The following JAKMIP3 variants were observed in gnomAD, a reference collection of about 807,000 sequenced individuals.
JAKMIP3 encodes janus kinase and microtubule-interacting protein 3.
Under a neutral mutation model 118.5 loss-of-function variants are expected in JAKMIP3, and 58 were observed. The observed-to-expected ratio is 0.49, with a 90% CI of 0.40 to 0.61. JAKMIP3 has a LOEUF of 0.61. Ranked by LOEUF, JAKMIP3 falls within the 20% of genes least tolerant of loss-of-function variation. The pLI is 0.00. For synonymous variants in JAKMIP3, 486 were observed against 451.2 expected (o/e 1.08, Z -0.98); for missense variants, 950 against 1,109.0 (o/e 0.86, Z 2.04).
intron 2 of JAKMIP3, among the ~76,000 whole-genome samples, chr10:132,106,178 A>T (rs1290655027): frequency 6.6e-6 from 1 of 151,768 alleles, no homozygotes; most frequent in Non-Finnish European, 1.5e-5. Context: ...CTACAAAAAA[A>T]AATGGACACA....
At chr10:132,138,445 T>A (rs1179699684) in intron 9 of JAKMIP3, among the ~76,000 whole-genome samples, 12 of 150,108 alleles carry the variant, frequency 8.0e-5, no homozygotes, top group Admixed American at 2.0e-4. Flanking sequence ...GCGCTGGGTG[T>A]GTGTGCCGAG....
intron 1 of JAKMIP3, among the ~76,000 whole-genome samples, chr10:132,068,086 GT>G (rs2039191884): frequency 8.1e-6 from 1 of 123,328 alleles, no homozygotes; most frequent in Admixed American, 8.8e-5. Context: ...GGGTTTCTGT[GT>G]GGACTGTGGG....
intron 4 of JAKMIP3, among the ~76,000 whole-genome samples, chr10:132,134,798 A>G (rs1176352488): frequency 6.6e-6 from 1 of 152,212 alleles, no homozygotes; most frequent in African/African-American, 2.4e-5. Flanking sequence ...TTATTTTAAA[A>G]TAGTTGTGTG....
rs531833853 is a variant in JAKMIP3 at position 132,100,999 on chromosome 10, G to A, written c.-137-3673G>A. Among the ~76,000 whole-genome samples, 10 of 152,242 alleles carry A rather than the reference G, an allele frequency of 6.6e-5. 1 individual carries two copies. The highest frequency in any genetic ancestry group is 2.1e-4 in the South Asian group (1 of 4,824). On this transcript the variant is annotated intron_variant, in intron 1 of 23. Coordinates refer to ENST00000684848, the MANE Select transcript of JAKMIP3 (RefSeq NM_001323087.2). Reference sequence around the variant, plus strand: ...AAGGAATAAACTCAATATAGTTACCGTATCAGTTCCCAGATTGGTGCTGGA... The same window carrying A: ...AAGGAATAAACTCAATATAGTTACCATATCAGTTCCCAGATTGGTGCTGGA...
At chr10:132,153,113 G>C in intron 17 of JAKMIP3, 90 bp downstream of exon 17, 1 of 1,063,640 alleles carries the variant, frequency 9.4e-7, no homozygotes, top group Non-Finnish European at 1.4e-6. Flanking sequence ...CTCGGGAGGA[G>C]GGCCTGCAGG....
At position 132,127,224 on chromosome 10, in the gene JAKMIP3, CTT is replaced by C. The variant is rs11354978; in HGVS notation, c.634-6073_634-6072del. Among the ~76,000 whole-genome samples the C allele has an allele frequency of 7.2e-3, 935 of 129,016 alleles. 9 individuals are homozygous for C. The highest frequency in any genetic ancestry group is 0.024 in the African/African-American group (860 of 35,418). The allele number at this position is 129,016 out of a possible 152,430, so 84.6% of individuals were successfully genotyped here. A position where few individuals can be genotyped will look rare whatever the true frequency, so the allele number is the denominator to read the frequency against. ...TCCCACTTATTGACATTAGACTTTTCTTTTTTTTTTTTTTTTCGAGATGGTTT... is the reference window on the plus strand; with the variant it reads ...TCCCACTTATTGACATTAGACTTTTCTTTTTTTTTTTTTTCGAGATGGTTT... On this transcript the variant is annotated intron_variant, in intron 3 of 23. Coordinates refer to ENST00000684848, the MANE Select transcript of JAKMIP3 (RefSeq NM_001323087.2).
At chr10:132,159,822 G>GT (rs200952964) in intron 19 of JAKMIP3, among the ~76,000 whole-genome samples, 1 of 76,380 alleles carries the variant, frequency 1.3e-5, no homozygotes, top group Non-Finnish European at 2.4e-5. Context: ...GTGATGCTGG[G>GT]GGGCCTCTCC....
At chr10:132,128,412 T>C (rs949411642) in intron 3 of JAKMIP3, among the ~76,000 whole-genome samples, 1 of 152,214 alleles carries the variant, frequency 6.6e-6, no homozygotes, top group African/African-American at 2.4e-5. Context: ...AAATACTGCT[T>C]GGAGACAGCT....
In JAKMIP3 at chr10:132,049,680, C is replaced by T. The variant is rs899562560; in HGVS notation, c.-138+12942C>T. Among the ~76,000 whole-genome samples the T allele has an allele frequency of 1.3e-5, 2 of 152,198 alleles. No homozygotes were observed. The highest frequency in any genetic ancestry group is 3.4e-3 in the Middle Eastern group (1 of 294). ...TCTTTTTTAAAAGTGGGGGAGGTCT[C>T]ACTATGCTGCCCAGGCTGGCCTCCA... On this transcript the variant is annotated intron_variant, in intron 1 of 23. Coordinates refer to the JAKMIP3 transcript ENST00000657785. The surrounding 1 kb of genome is among the most constrained non-coding windows in gnomAD (Gnocchi z 4.3).
At chr10:132,163,951 G>A (rs1037549920) in intron 20 of JAKMIP3, among the ~76,000 whole-genome samples, 9 of 152,232 alleles carry the variant, frequency 5.9e-5, no homozygotes, top group Non-Finnish European at 1.3e-4. Context: ...TGGGAGGTGA[G>A]AAGCCCTGCT....
Position 132,168,276 on chromosome 10 carries a change from G to A in JAKMIP3, c.*346G>A. The stretch of plus-strand genomic sequence containing the variant: ...GTAGCATTCCCTGCCAAGCAGGGGT[G>A]AGAACTGCTTCTGTGCAGAAGCACC... On this transcript the variant is annotated 3_prime_UTR_variant, in exon 23 of 24. Coordinates refer to ENST00000684848, the MANE Select transcript of JAKMIP3 (RefSeq NM_001323087.2). 2 of 1,289,458 alleles carry A rather than the reference G, an allele frequency of 1.6e-6. No individual in the cohort carries two copies. The highest frequency in any genetic ancestry group is 2.0e-6 in the Non-Finnish European group (2 of 988,784). The allele number at this position is 1,289,458 out of a possible 1,614,324, so 79.9% of individuals were successfully genotyped here. A position where few individuals can be genotyped will look rare whatever the true frequency, so the allele number is the denominator to read the frequency against.
chr10:132,179,455 A>G lies in JAKMIP3; in HGVS notation c.*1104-2902A>G, dbSNP rs1202094467. On this transcript the variant is annotated intron_variant, in intron 23 of 23. Coordinates refer to ENST00000684848, the MANE Select transcript of JAKMIP3 (RefSeq NM_001323087.2). This position sits in a 1 kb window ranked among gnomAD's most constrained non-coding sequence, Gnocchi z 4.3. ...CTGAGAACTGGGAGCTCTTGGGATG[A>G]GGATTATCTGGGTTTCTCCCGCGGA... 6.6e-6 allele frequency among the ~76,000 whole-genome samples: 1 copy of G among 152,102 alleles called. No homozygotes were observed. The highest frequency in any genetic ancestry group is 2.4e-5 in the African/African-American group (1 of 41,406).
chr10:132,116,054 C>T (rs1452255275), intron 2 of JAKMIP3, among the ~76,000 whole-genome samples: 1 of 152,256 alleles, frequency 6.6e-6, no homozygotes, highest in African/African-American at 2.4e-5. Context: ...ACAGCGTGTC[C>T]TCCCTTAACC....
intron 23 of JAKMIP3, among the ~76,000 whole-genome samples, chr10:132,173,977 T>C (rs1215955483): frequency 1.3e-5 from 2 of 148,878 alleles, no homozygotes; most frequent in African/African-American, 5.0e-5. Context: ...GGTGTGTCTC[T>C]GGTGGTCTGT....
intron 2 of JAKMIP3, 120 bp downstream of exon 2, chr10:132,105,063 A>G (rs12098286): frequency 0.18 from 220,828 of 1,205,846 alleles, 22,217 homozygotes; most frequent in African/African-American, 0.35. Flanking sequence ...CCCAGTCCTA[A>G]AGGCTGCTTG....
At chr10:132,136,689 G>A (rs2051861176) in intron 6 of JAKMIP3, among the ~76,000 whole-genome samples, 1 of 152,234 alleles carries the variant, frequency 6.6e-6, no homozygotes, top group Non-Finnish European at 1.5e-5. Context: ...TGGGAGAGGA[G>A]GCCACATGGG....
chr10:132,111,987 C>T (rs894069151), intron 2 of JAKMIP3, among the ~76,000 whole-genome samples: 1 of 151,926 alleles, frequency 6.6e-6, no homozygotes, highest in Non-Finnish European at 1.5e-5. Flanking sequence ...GTGTGTGGAA[C>T]TGCTCTGGGA....
chr10:132,130,746 CT>C (rs1342078865), intron 3 of JAKMIP3, among the ~76,000 whole-genome samples: 1 of 152,208 alleles, frequency 6.6e-6, no homozygotes. Context: ...AGTGAGCATG[CT>C]TCATGGCTGT....
chr10:132,083,581 G>A (rs1004942951), intron 1 of JAKMIP3, among the ~76,000 whole-genome samples: 1 of 152,062 alleles, frequency 6.6e-6, no homozygotes, highest in Admixed American at 6.5e-5. Flanking sequence ...TTTGCTTTTG[G>A]GTTCTTGGTC....
Sources: gnomAD v4.1 joint callset for allele counts (sites outside exome capture counted in the v4.1 genomes callset) on GRCh38, gnomAD v4.1.1 for gene constraint, Gnocchi (gnomAD v3.1) non-coding constraint, MANE v1.5 for transcripts, NCBI Gene and HGNC (gene_info 2026-07-23, HGNC 2026-07-21) for gene names.